Variants in TMCC1 observed in about 807,000 individuals in gnomAD.
TMCC1 encodes the protein transmembrane and coiled-coil domains protein 1.
A neutral mutation model predicts 52.4 loss-of-function variants in TMCC1; 15 were observed. The observed-to-expected ratio is 0.29, with a 90% confidence interval of 0.19 to 0.44. The LOEUF (loss-of-function observed/expected upper bound fraction) is 0.44. Among genes scored for constraint, TMCC1 ranks in the 20% least tolerant of loss-of-function variants. The pLI is 1.00. For missense variants in TMCC1, 503 were observed against 806.0 expected (o/e 0.62, Z 4.55); for synonymous variants, 279 against 301.9 (o/e 0.92, Z 0.79).
At chr3:129,715,834 T>A (rs1015189408) in intron 4 of TMCC1, among the ~76,000 whole-genome samples, 1 of 152,228 alleles carries the variant, frequency 6.6e-6, no homozygotes, top group Non-Finnish European at 1.5e-5. Flanking sequence ...CACTGTTTCA[T>A]TCTTATTATA....
chr3:129,785,225 T>C (rs79714573), intron 4 of TMCC1, among the ~76,000 whole-genome samples: 363 of 152,198 alleles, frequency 2.4e-3, no homozygotes, highest in African/African-American at 8.0e-3. Context: ...CAGCAAGAAA[T>C]TGGATGTAGC....
chr3:129,800,068 T>C (rs1487228365), intron 4 of TMCC1, among the ~76,000 whole-genome samples: 1 of 152,206 alleles, frequency 6.6e-6, no homozygotes, highest in Non-Finnish European at 1.5e-5. Flanking sequence ...CTGACTTCTA[T>C]CATAAATTAA....
At chr3:129,827,459 T>C (rs1283882015) in intron 4 of TMCC1, among the ~76,000 whole-genome samples, 1 of 152,204 alleles carries the variant, frequency 6.6e-6, no homozygotes, top group Non-Finnish European at 1.5e-5. Flanking sequence ...AAGAAAGCCA[T>C]CTCCATGTGC....
intron 4 of TMCC1, among the ~76,000 whole-genome samples, chr3:129,695,178 G>C (rs892006453): frequency 2.7e-5 from 4 of 149,832 alleles, no homozygotes; most frequent in African/African-American, 9.8e-5. Flanking sequence ...AGAGAGATGG[G>C]AGACTGTCAG....
chr3:129,881,678 A>G (rs1560612014), intron 1 of TMCC1, among the ~76,000 whole-genome samples: 1 of 152,226 alleles, frequency 6.6e-6, no homozygotes, highest in Non-Finnish European at 1.5e-5. Flanking sequence ...TACCTGCTAC[A>G]TCACTGCATT....
chr3:129,828,437 T>C lies in TMCC1; in HGVS notation c.-59A>G, dbSNP rs1463287517. On this transcript the variant is annotated 5_prime_UTR_variant, in exon 4 of 7. Transcript: ENST00000393238. The surrounding 1 kb of genome is among the most constrained non-coding windows in gnomAD (Gnocchi z 4.1). ...AAAAATTTTTTAAACACACCAAGAG[T>C]GTCAAATTAGGTAGGCATTTGCTTC... is the stretch of plus-strand genomic sequence containing the variant. The C allele has an allele frequency of 3.1e-5, 47 of 1,519,054 alleles. 2 individuals are homozygous for C. In the Admixed American group the frequency reaches 8.7e-4, roughly 28 times the overall value. 94.1% of individuals were successfully genotyped at this position (1,519,054 alleles called of 1,614,324 possible).
intron 6 of TMCC1, 106 bp downstream of exon 6, chr3:129,654,862 G>A (rs2086570628): frequency 1.0e-5 from 15 of 1,461,286 alleles, no homozygotes; most frequent in Non-Finnish European, 1.3e-5. Context: ...GTTGGTATAA[G>A]CTTTTCTTTG....
chr3:129,661,424 TCAAA>T (rs2087017513), intron 5 of TMCC1, among the ~76,000 whole-genome samples: 4 of 152,106 alleles, frequency 2.6e-5, no homozygotes, highest in Admixed American at 2.6e-4. Context: ...AGAACCTGTC[TCAAA>T]CAAACAGAAA....
intron 2 of TMCC1, among the ~76,000 whole-genome samples, chr3:129,873,573 G>A (rs1431760639): frequency 2.6e-5 from 4 of 152,048 alleles, no homozygotes; most frequent in Admixed American, 6.6e-5. Context: ...CCAGCTAGTC[G>A]GGAGGATAAG....
intron 3 of TMCC1, among the ~76,000 whole-genome samples, chr3:129,831,367 AAAACAGT>A (rs1173780233): frequency 6.6e-6 from 1 of 152,242 alleles, no homozygotes; most frequent in Non-Finnish European, 1.5e-5. Flanking sequence ...AATAAGCAAC[AAAACAGT>A]AATAAATTAT....
intron 4 of TMCC1, among the ~76,000 whole-genome samples, chr3:129,676,036 CAAAAAAAA>C (rs61105005): frequency 2.2e-5 from 1 of 46,312 alleles, no homozygotes; most frequent in African/African-American, 8.2e-5. Context: ...GACTCTGTCT[CAAAAAAAA>C]AAAAAAAAAA....
chr3:129,717,070 T>C (rs2049165405), intron 4 of TMCC1, among the ~76,000 whole-genome samples: 1 of 152,244 alleles, frequency 6.6e-6, no homozygotes, highest in Non-Finnish European at 1.5e-5. Flanking sequence ...ATAAACTTCT[T>C]GACTCCATTC....
chr3:129,871,322 C>T (rs535733796), intron 2 of TMCC1, among the ~76,000 whole-genome samples: 12 of 147,572 alleles, frequency 8.1e-5, no homozygotes, highest in Non-Finnish European at 1.5e-4. Context: ...TCATGGCCAC[C>T]GCACTCCAAA....
At chr3:129,867,690 CACA>C (rs2060716531) in intron 2 of TMCC1, among the ~76,000 whole-genome samples, 1 of 152,200 alleles carries the variant, frequency 6.6e-6, no homozygotes, top group Non-Finnish European at 1.5e-5. Flanking sequence ...TGGCTTATTT[CACA>C]ACACTTCCCA....
intron 4 of TMCC1, among the ~76,000 whole-genome samples, chr3:129,690,036 A>C (rs955085601): frequency 6.6e-6 from 1 of 152,222 alleles, no homozygotes; most frequent in African/African-American, 2.4e-5. Flanking sequence ...TTATTGTAGA[A>C]AACCACAAAT....
rs115742851 is a variant in TMCC1 at position 129,890,048 on chromosome 3, G to A, written c.-435+3446C>T. 8.0e-3 allele frequency among the ~76,000 whole-genome samples: 1,211 copies of A among 152,208 alleles called. 17 individuals are homozygous for A. The highest frequency in any genetic ancestry group is 0.028 in the African/African-American group (1,169 of 41,516). On this transcript the variant is annotated intron_variant, in intron 1 of 6. Coordinates refer to ENST00000393238, the MANE Select transcript of TMCC1 (RefSeq NM_001017395.5). ...TGCTTATAAACCCAGCACTTTTGGA[G>A]GCCAAGGCAAGGGGGATCACTTGAG... is the stretch of plus-strand genomic sequence containing the variant.
At position 129,670,374 on chromosome 3, in the gene TMCC1, C is replaced by A. The variant is rs146919661; in HGVS notation, c.1467G>T (p.Arg489Ser). 1.2e-6 allele frequency: 2 copies of A among 1,614,078 alleles called. No homozygotes were observed. The highest frequency in any genetic ancestry group is 4.5e-5 in the East Asian group (2 of 44,882). ...AGGTCTGCATTATTAAGGAATAGTCCCTCTGATAATGTTCCTTGAGAGTCT... is the reference window on the plus strand; with the variant it reads ...AGGTCTGCATTATTAAGGAATAGTCACTCTGATAATGTTCCTTGAGAGTCT... ...SFETLKEHYQ[R>S]DYSLIMQTLQ... Residue 489 changes from arginine (R) to serine (S), a missense_variant, in exon 5 of 7, where the codon AGG becomes AGT. This residue lies in a region of TMCC1 where 121 missense variants were observed against 193.6 expected (regional missense o/e 0.62). Coordinates refer to ENST00000393238, the MANE Select transcript of TMCC1 (RefSeq NM_001017395.5).
chr3:129,870,692 T>C (rs796670881), intron 2 of TMCC1, among the ~76,000 whole-genome samples: 15 of 105,882 alleles, frequency 1.4e-4, no homozygotes, highest in African/African-American at 5.3e-4. Flanking sequence ...TGAGCCCAGA[T>C]CGTGCCACTG....
chr3:129,846,543 C>A (rs2059673178), intron 2 of TMCC1, among the ~76,000 whole-genome samples: 1 of 152,118 alleles, frequency 6.6e-6, no homozygotes, highest in Non-Finnish European at 1.5e-5. Context: ...TAAGGAGCAA[C>A]ATTTTTCCAA....
Sources: allele counts gnomAD v4.1 joint callset (sites outside exome capture counted in the v4.1 genomes callset), GRCh38; gene constraint gnomAD v4.1.1; regional missense constraint gnomAD v4.1.1; non-coding constraint Gnocchi (gnomAD v3.1); transcripts MANE v1.5; gene names NCBI Gene and HGNC (gene_info 2026-07-23, HGNC 2026-07-21).